Variants in CCDC27 observed in about 807,000 individuals in gnomAD.
CCDC27 encodes the protein coiled-coil domain-containing protein 27.
CCDC27 carries 80 observed loss-of-function variants against 80.3 expected under a neutral mutation model. The observed-to-expected ratio is 1.00, with a 90% CI of 0.83 to 1.20. CCDC27 has a LOEUF of 1.20. CCDC27 is among the 50% of genes most tolerant of loss of function. The probability of loss-of-function intolerance (pLI) is 0.00; values close to 1 mark genes in which losing one functional copy is unlikely to be tolerated. For missense variants in CCDC27, 815 were observed against 809.4 expected (o/e 1.01, Z -0.08); for synonymous variants, 342 against 334.3 (o/e 1.02, Z -0.25).
chr1:3,762,366 C>T (rs1643109099), intron 5 of CCDC27, among the ~76,000 whole-genome samples: 1 of 152,158 alleles, frequency 6.6e-6, no homozygotes, highest in Non-Finnish European at 1.5e-5. Flanking sequence ...TGGCCTTGTC[C>T]TTTACTGCAA....
chr1:3,756,457 C>T lies in CCDC27; in HGVS notation c.554-276C>T, dbSNP rs775695384. ...CTCGTCCCGACTCCCAGCTCCGGCT[C>T]GTTTGTCCTGGGTGTCTCGGCCAGA... On this transcript the variant is annotated intron_variant, in intron 3 of 11. Coordinates refer to ENST00000294600, the MANE Select transcript of CCDC27 (RefSeq NM_152492.3). The T allele has an allele frequency of 3.6e-4, 113 of 312,676 alleles. No individual in the cohort carries two copies. In the Middle Eastern group the frequency reaches 4.0e-3, roughly 11 times the overall value. 19.4% of individuals were successfully genotyped at this position (312,676 alleles called of 1,614,324 possible).
At chr1:3,754,593 C>T (rs896798783) in intron 2 of CCDC27, among the ~76,000 whole-genome samples, 3 of 152,128 alleles carry the variant, frequency 2.0e-5, no homozygotes, top group Non-Finnish European at 4.4e-5. Context: ...AGCCAGATAG[C>T]TCATTAGGGA....
At chr1:3,752,898 A>T in intron 1 of CCDC27, 99 bp downstream of exon 1, 2 of 1,331,302 alleles carry the variant, frequency 1.5e-6, no homozygotes, top group South Asian at 1.4e-5. Flanking sequence ...AAAGCATTCC[A>T]CAGGCCTTCT....
rs771379947 is a variant in CCDC27, at chr1:3,760,165, G to A, written c.712-1116G>A. Among the ~76,000 whole-genome samples the A allele has an allele frequency of 1.3e-5, 2 of 152,160 alleles. No individual in the cohort carries two copies. Among genetic ancestry groups the A allele is most frequent in the South Asian group, 2.1e-4 (1 of 4,820 alleles). On this transcript the variant is annotated intron_variant, in intron 4 of 11. Transcript: ENST00000294600. The surrounding 1 kb of genome is among the most constrained non-coding windows in gnomAD (Gnocchi z 4.3). Reference sequence around the variant, plus strand: ...ATTTTGAGACGTGCAAGTGTCTCGGGACCATGGCTTGGGTGATGAAATGTG... The same window carrying A: ...ATTTTGAGACGTGCAAGTGTCTCGGAACCATGGCTTGGGTGATGAAATGTG...
chr1:3,767,246 T>G lies in CCDC27; in HGVS notation c.1544T>G (p.Leu515Arg). ...NQLLRQQVSE[L>R]ERKLTKRDCV... is the part of the protein sequence containing the mutation. ...GGCTGTCCCCAGCAAGTGTCGGAAC[T>G]GGAGAGAAAGCTCACCAAGCGGGAC... The change falls in exon 10 of 12, where the codon CTG (leucine) becomes CGG (arginine). Residue 515 changes from leucine (L) to arginine (R), a missense_variant. Physicochemically the swap from Leu to Arg is moderately radical, Grantham distance 102. Transcript: ENST00000294600. 1.2e-6 allele frequency: 2 copies of G among 1,613,962 alleles called. No individual in the cohort carries two copies. The highest frequency in any genetic ancestry group is 1.1e-5 in the South Asian group (1 of 91,074).
At position 3,763,037 on chromosome 1, in the gene CCDC27, T is replaced by G; in HGVS notation, c.955-71T>G. The stretch of plus-strand genomic sequence containing the variant: ...GGCGCCCTCCCCGGTGCCCCCGCCA[T>G]GAGCATTAGAGCCCTCTGCCCTGGG... On this transcript the variant is annotated intron_variant, in intron 6 of 11. Coordinates refer to ENST00000294600, the MANE Select transcript of CCDC27 (RefSeq NM_152492.3). This position sits in a 1 kb window ranked among gnomAD's most constrained non-coding sequence, Gnocchi z 7.5. The G allele has an allele frequency of 1.8e-5, 26 of 1,425,788 alleles. No individual in the cohort carries two copies. Among genetic ancestry groups the G allele is most frequent in the Middle Eastern group, 2.5e-4 (1 of 4,060 alleles). The allele number at this position is 1,425,788 out of a possible 1,614,324, so 88.3% of individuals were successfully genotyped here.
chr1:3,754,462 A>T (rs1642905177), intron 2 of CCDC27, among the ~76,000 whole-genome samples: 1 of 152,046 alleles, frequency 6.6e-6, no homozygotes, highest in Non-Finnish European at 1.5e-5. Context: ...TATGATTATG[A>T]TTTGTCTCCC....
intron 8 of CCDC27, among the ~76,000 whole-genome samples, chr1:3,765,392 T>C (rs759759336): frequency 6.6e-6 from 1 of 152,244 alleles, no homozygotes; most frequent in Non-Finnish European, 1.5e-5. Flanking sequence ...CCTTTAGTTC[T>C]GGAATTTTCT....
Position 3,771,583 on chromosome 1 carries a change from C to CA in CCDC27, c.*61dup. Reference sequence around the variant, plus strand: ...AGAGGCCGGGGCCCAGCTCCAGAACCACCCGCCCCCACCATGCGTCCTGCT... The same window carrying CA: ...AGAGGCCGGGGCCCAGCTCCAGAACCAACCCGCCCCCACCATGCGTCCTGCT... On this transcript the variant is annotated 3_prime_UTR_variant, in exon 12 of 12. Transcript: ENST00000294600. 1 of 1,569,196 alleles carries CA rather than the reference C, an allele frequency of 6.4e-7. No individual in the cohort carries two copies. The highest frequency in any genetic ancestry group is 8.7e-7 in the Non-Finnish European group (1 of 1,153,280).
Position 3,752,604 on chromosome 1 carries a change from C to T in CCDC27, c.123C>T (p.Ile41=), listed in dbSNP as rs1557617238. 6.2e-7 allele frequency: 1 copy of T among 1,614,220 alleles called. No homozygotes were observed. Among genetic ancestry groups the T allele is most frequent in the East Asian group, 2.2e-5 (1 of 44,890 alleles). The change falls in exon 1 of 12, where the codon ATC becomes ATT. Residue 41 remains isoleucine (I), a synonymous_variant. Coordinates refer to ENST00000294600, the MANE Select transcript of CCDC27 (RefSeq NM_152492.3). ...FRQQSSLGLC[I]PRLMLPKEAS... ...AACAAAGCTCACTTGGTCTTTGCAT[C>T]CCACGCCTCATGTTACCTAAGGAGG...
chr1:3,752,892 C>A (rs1034381818), intron 1 of CCDC27, 93 bp downstream of exon 1: 2 of 1,364,510 alleles, frequency 1.5e-6, no homozygotes, highest in Non-Finnish European at 1.0e-6. Flanking sequence ...GCCCACAAAG[C>A]ATTCCACAGG....
chr1:3,760,209 C>T lies in CCDC27; in HGVS notation c.712-1072C>T, dbSNP rs1643054016. Among the ~76,000 whole-genome samples the T allele has an allele frequency of 6.6e-6, 1 of 152,002 alleles. No individual in the cohort carries two copies. Among genetic ancestry groups the T allele is most frequent in the African/African-American group, 2.4e-5 (1 of 41,396 alleles). On this transcript the variant is annotated intron_variant, in intron 4 of 11. Transcript: ENST00000294600. The surrounding 1 kb of genome is among the most constrained non-coding windows in gnomAD (Gnocchi z 4.3). ...AAATGTGATTTCTGCACTTTTTTTT[C>T]CCTTTAACTTTGTATTTCAGGCATA...
At chr1:3,762,791 C>T in intron 6 of CCDC27, 79 bp downstream of exon 6, 1 of 1,320,638 alleles carries the variant, frequency 7.6e-7, no homozygotes, top group Non-Finnish European at 1.0e-6. Context: ...CTAAGAGGCC[C>T]AGGCCCCAAG....
intron 10 of CCDC27, among the ~76,000 whole-genome samples, 177 bp downstream of exon 10, chr1:3,767,622 G>T (rs1441513563): frequency 6.6e-6 from 1 of 152,274 alleles, no homozygotes; most frequent in Non-Finnish European, 1.5e-5. Flanking sequence ...GTGGGTAGAG[G>T]ACGGAGTGAG....
chr1:3,761,062 A>C lies in CCDC27; in HGVS notation c.712-219A>C, dbSNP rs556623908. On this transcript the variant is annotated intron_variant, in intron 4 of 11. Coordinates refer to ENST00000294600, the MANE Select transcript of CCDC27 (RefSeq NM_152492.3). This position sits in a 1 kb window ranked among gnomAD's most constrained non-coding sequence, Gnocchi z 5.0. ...CTTAGGATGGGTGCAGAGGCGCTGGAGGTGCCAGGCATGGCTGCAGTAAAG... is the reference window on the plus strand; with the variant it reads ...CTTAGGATGGGTGCAGAGGCGCTGGCGGTGCCAGGCATGGCTGCAGTAAAG... 6.6e-6 allele frequency among the ~76,000 whole-genome samples: 1 copy of C among 152,316 alleles called. No individual in the cohort carries two copies. Among genetic ancestry groups the C allele is most frequent in the East Asian group, 1.9e-4 (1 of 5,186 alleles).
intron 3 of CCDC27, 148 bp downstream of exon 3, chr1:3,755,715 T>A: frequency 1.5e-6 from 1 of 667,938 alleles, no homozygotes. Flanking sequence ...CCTCCGGGCC[T>A]CCCTTGTGCA....
At position 3,769,803 on chromosome 1, in the gene CCDC27, G is replaced by T; in HGVS notation, c.1764G>T (p.Lys588Asn). ...SQSRLERLRN[K>N]IIQATFSISG... is the part of the protein sequence containing the mutation. ...CACAGCTCGAGAGGTTAAGGAATAA[G>T]ATCATCCAGGCCACCTTTAGCATCT... Residue 588 changes from lysine (K) to asparagine (N), a missense_variant, in exon 11 of 12, where the codon AAG (lysine) becomes AAT (asparagine). Coordinates refer to ENST00000294600, the MANE Select transcript of CCDC27 (RefSeq NM_152492.3). The surrounding 1 kb of genome is among the most constrained non-coding windows in gnomAD (Gnocchi z 4.6). 6.2e-7 allele frequency: 1 copy of T among 1,614,016 alleles called. No individual in the cohort carries two copies. Among genetic ancestry groups the T allele is most frequent in the Non-Finnish European group, 8.5e-7 (1 of 1,179,906 alleles).
At chr1:3,762,802 T>C (rs1643119611) in intron 6 of CCDC27, 90 bp downstream of exon 6, 2 of 1,234,416 alleles carry the variant, frequency 1.6e-6, no homozygotes, top group Non-Finnish European at 2.3e-6. Flanking sequence ...AGGCCCCAAG[T>C]GTCCCTGCTG....
At position 3,761,182 on chromosome 1, in the gene CCDC27, C is replaced by T. The variant is rs527891564; in HGVS notation, c.712-99C>T. On this transcript the variant is annotated intron_variant, in intron 4 of 11. Transcript: ENST00000294600. The surrounding 1 kb of genome is among the most constrained non-coding windows in gnomAD (Gnocchi z 5.0). ...GGGACCCTGGGGTTTTGGGGTACCACGACAGCAGATCTGCTCCTCCTGGGT... is the reference window on the plus strand; with the variant it reads ...GGGACCCTGGGGTTTTGGGGTACCATGACAGCAGATCTGCTCCTCCTGGGT... 1.2e-5 allele frequency: 17 copies of T among 1,445,008 alleles called. No individual in the cohort carries two copies. Among genetic ancestry groups the T allele is most frequent in the African/African-American group, 2.8e-5 (2 of 70,438 alleles). The allele number at this position is 1,445,008 out of a possible 1,614,324, so 89.5% of individuals were successfully genotyped here. A position where few individuals can be genotyped will look rare whatever the true frequency, so the allele number is the denominator to read the frequency against.
Sources: gnomAD v4.1 joint callset for allele counts (sites outside exome capture counted in the v4.1 genomes callset) on GRCh38, gnomAD v4.1.1 for gene constraint, Gnocchi (gnomAD v3.1) non-coding constraint, MANE v1.5 for transcripts, NCBI Gene and HGNC (gene_info 2026-07-23, HGNC 2026-07-21) for gene names.